The following PLAC1 variants were observed in gnomAD, a reference collection of about 807,000 sequenced individuals.
PLAC1 encodes placenta-specific protein 1.
For synonymous variants in PLAC1, 68 were observed against 62.1 expected (o/e 1.09, Z -0.44); for missense variants, 136 against 163.2 (o/e 0.83, Z 0.91).
chrX:134,622,697 G>A (rs2078217054), intron 1 of PLAC1, among the ~76,000 whole-genome samples: 1 of 111,904 alleles, frequency 8.9e-6, no homozygotes, highest in Non-Finnish European at 1.9e-5. Flanking sequence ...GTTGGCCTAA[G>A]ATTTAAATCC....
rs754234780 is a variant in PLAC1, at chrX:134,613,743, TTC to T, written c.-130-11623_-130-11622del. Among the ~76,000 whole-genome samples, 18 of 110,790 alleles carry T rather than the reference TTC, an allele frequency of 1.6e-4. No individual in the cohort carries two copies. In the East Asian group the frequency reaches 5.1e-3, roughly 32 times the overall value. ...CAGTGAGCGCTTTCATCCTTCCCCT[TTC>T]TCTGTTTCTATGGCTTCGTCCTAGC... On this transcript the variant is annotated intron_variant, in intron 1 of 2. Transcript: ENST00000359237.
At chrX:134,572,170 A>T (rs1228450838) in intron 2 of PLAC1, among the ~76,000 whole-genome samples, 1 of 111,493 alleles carries the variant, frequency 9.0e-6, no homozygotes, top group East Asian at 2.8e-4. Flanking sequence ...ACAAGACAAG[A>T]ACGGAAAAAA....
intron 2 of PLAC1, among the ~76,000 whole-genome samples, chrX:134,578,329 C>T (rs1458230194): frequency 3.9e-5 from 4 of 102,621 alleles, no homozygotes; most frequent in South Asian, 4.7e-4. Context: ...AGGAGAATGG[C>T]GTGAACCCGG....
chrX:134,687,815 CATATAT>C (rs56675396), intron 2 of PLAC1, among the ~76,000 whole-genome samples: 555 of 31,020 alleles, frequency 0.018, 9 homozygotes, highest in East Asian at 0.034. Flanking sequence ...ACTGAGATAA[CATATAT>C]ATATATATAT....
At chrX:134,569,751 T>TGTGG (rs2077895934) in intron 2 of PLAC1, among the ~76,000 whole-genome samples, 1 of 91,400 alleles carries the variant, frequency 1.1e-5, no homozygotes, top group Non-Finnish European at 2.0e-5. Flanking sequence ...TGTGTGTGTG[T>TGTGG]GTGTGTGTGT....
intron 1 of PLAC1, among the ~76,000 whole-genome samples, chrX:134,606,541 T>C (rs952833898): frequency 1.8e-5 from 2 of 111,794 alleles, no homozygotes; most frequent in Non-Finnish European, 3.8e-5. Flanking sequence ...GGTGAGGATG[T>C]GGAGAAAAGG....
intron 1 of PLAC1, among the ~76,000 whole-genome samples, chrX:134,751,355 A>G (rs2147851697): frequency 1.8e-5 from 2 of 109,534 alleles, no homozygotes; most frequent in East Asian, 5.8e-4. Flanking sequence ...TGGCTCTTCA[A>G]TCTCATGCAG....
chrX:134,726,551 G>A (rs1279292611), intron 2 of PLAC1, among the ~76,000 whole-genome samples: 1 of 111,855 alleles, frequency 8.9e-6, no homozygotes, highest in African/African-American at 3.3e-5. Flanking sequence ...CTGGCCGGGC[G>A]CTGTGGCTCA....
Position 134,643,131 on chromosome X carries a change from T to TTTTG in PLAC1, c.-131+15193_-131+15196dup, listed in dbSNP as rs1461108569. On this transcript the variant is annotated intron_variant, in intron 1 of 2. Transcript: ENST00000359237. ...GGTATAAAATTATAAATAATTGGTA[T>TTTTG]TTTGTATTAATATTTATACCAGTAA... Among the ~76,000 whole-genome samples, 5 of 112,283 alleles carry TTTTG rather than the reference T, an allele frequency of 4.5e-5. No homozygotes were observed. In the East Asian group the frequency reaches 1.4e-3, roughly 31 times the overall value.
At chrX:134,619,749 C>T (rs2078202581) in intron 1 of PLAC1, among the ~76,000 whole-genome samples, 1 of 110,964 alleles carries the variant, frequency 9.0e-6, no homozygotes, top group Admixed American at 9.6e-5. Flanking sequence ...AATAACAAGC[C>T]GATCTAGGGC....
intron 1 of PLAC1, among the ~76,000 whole-genome samples, chrX:134,757,603 G>T (rs968508015): frequency 9.0e-6 from 1 of 111,641 alleles, no homozygotes; most frequent in Non-Finnish European, 1.9e-5. Flanking sequence ...TGACATTATT[G>T]GGGCAATCGG....
At chrX:134,567,798 G>GAA (rs1306817390) in intron 2 of PLAC1, among the ~76,000 whole-genome samples, 2 of 70,011 alleles carry the variant, frequency 2.9e-5, no homozygotes, top group African/African-American at 1.1e-4. Flanking sequence ...AGAAAGGAAA[G>GAA]AAAGAGAGAG....
At chrX:134,604,270 C>T (rs2078111854) in intron 1 of PLAC1, among the ~76,000 whole-genome samples, 1 of 112,704 alleles carries the variant, frequency 8.9e-6, no homozygotes, top group East Asian at 2.8e-4. Context: ...ATAGGCATTC[C>T]AAAGTTGATC....
At chrX:134,568,333 C>T (rs765291170) in intron 2 of PLAC1, among the ~76,000 whole-genome samples, 35 of 113,147 alleles carry the variant, frequency 3.1e-4, no homozygotes, top group African/African-American at 1.1e-3. Flanking sequence ...TTTCTCTCTT[C>T]TCTTTTTCCC....
chrX:134,588,584 A>G (rs6529635), intron 2 of PLAC1, among the ~76,000 whole-genome samples: 52,974 of 108,462 alleles, frequency 0.49, 9,632 homozygotes, highest in East Asian at 0.9. Context: ...GGGTGCTGTG[A>G]AGAAAATGAT....
At chrX:134,618,236 T>C (rs1000432709) in intron 1 of PLAC1, among the ~76,000 whole-genome samples, 1 of 112,087 alleles carries the variant, frequency 8.9e-6, no homozygotes, top group Admixed American at 9.4e-5. Flanking sequence ...CCCATGCCCA[T>C]GGATGGACCA....
At chrX:134,618,446 C>T (rs1442825238) in intron 1 of PLAC1, among the ~76,000 whole-genome samples, 3 of 111,308 alleles carry the variant, frequency 2.7e-5, no homozygotes, top group Non-Finnish European at 5.7e-5. Context: ...CACTCTGTTG[C>T]CCAGGATGGA....
At chrX:134,692,809 T>C (rs747398586) in intron 2 of PLAC1, among the ~76,000 whole-genome samples, 1 of 110,603 alleles carries the variant, frequency 9.0e-6, no homozygotes, top group Non-Finnish European at 1.9e-5. Context: ...TCTCTCTCTC[T>C]CCCCCCACAC....
At chrX:134,647,229 C>A (rs2078338104) in intron 1 of PLAC1, among the ~76,000 whole-genome samples, 2 of 111,918 alleles carry the variant, frequency 1.8e-5, no homozygotes, top group African/African-American at 6.5e-5. Context: ...ACCCAGCAGA[C>A]TGGGCAGCTG....
Sources: gnomAD v4.1 joint callset for allele counts (sites outside exome capture counted in the v4.1 genomes callset) on GRCh38, gnomAD v4.1.1 for gene constraint, MANE v1.5 for transcripts, NCBI Gene and HGNC (gene_info 2026-07-23, HGNC 2026-07-21) for gene names.